Variants in KIAA0408 observed in about 807,000 individuals in gnomAD.
KIAA0408 encodes the protein uncharacterized protein KIAA0408.
Under a neutral mutation model 60.9 loss-of-function variants are expected in KIAA0408, and 51 were observed. The ratio of observed to expected loss-of-function variants is 0.84; its 90% CI spans 0.67 to 1.06. The LOEUF (loss-of-function observed/expected upper bound fraction) is 1.06, where lower values mean the gene tolerates loss of function less well. Ranked by LOEUF, KIAA0408 falls within the 50% of genes least tolerant of loss-of-function variation. KIAA0408 has a pLI of 0.00. For missense variants in KIAA0408, 787 were observed against 833.9 expected (o/e 0.94, Z 0.69); for synonymous variants, 304 against 282.4 (o/e 1.08, Z -0.77).
rs190955081 is a variant in KIAA0408 at position 127,447,756 on chromosome 6, A to C, written c.579-16T>G. 5.9e-6 allele frequency: 9 copies of C among 1,524,872 alleles called. No homozygotes were observed. Among genetic ancestry groups the C allele is most frequent in the Middle Eastern group, 1.8e-4 (1 of 5,634 alleles). 94.5% of individuals were successfully genotyped at this position (1,524,872 alleles called of 1,614,324 possible). A position where few individuals can be genotyped will look rare whatever the true frequency, so the allele number is the denominator to read the frequency against. On this transcript the variant is annotated splice_polypyrimidine_tract_variant and intron_variant, in intron 4 of 5. Coordinates refer to ENST00000483725, the MANE Select transcript of KIAA0408 (RefSeq NM_014702.5). Reference sequence around the variant, plus strand: ...TGACTTCATCCTAAACAATGATAAAACATGGTGTATTGGTTATAACTTTAT... The same window carrying C: ...TGACTTCATCCTAAACAATGATAAACCATGGTGTATTGGTTATAACTTTAT...
chr6:127,446,665 T>G lies in KIAA0408; in HGVS notation c.1654A>C (p.Arg552=). ...TAATTTGACCTGGGATCAGCTGACC[T>G]CGGACGGCCAGACAAATTACTCGGT... ...WRPSNLSGRP[R]SADPRSNYGV... The change falls in exon 5 of 6, where the codon AGG becomes CGG. Residue 552 remains arginine (R), a synonymous_variant. Transcript: ENST00000483725. The G allele has an allele frequency of 6.2e-7, 1 of 1,613,984 alleles. No individual in the cohort carries two copies. Among genetic ancestry groups the G allele is most frequent in the Admixed American group, 1.7e-5 (1 of 59,990 alleles).
At chr6:127,445,017 C>T (rs1176757287) in intron 5 of KIAA0408, among the ~76,000 whole-genome samples, 2 of 152,096 alleles carry the variant, frequency 1.3e-5, no homozygotes, top group Non-Finnish European at 2.9e-5. Flanking sequence ...ACACTTTATA[C>T]ACTTGGTTCT....
At chr6:127,458,638 C>T (rs976128533) in intron 1 of KIAA0408, among the ~76,000 whole-genome samples, 6 of 152,126 alleles carry the variant, frequency 3.9e-5, no homozygotes, top group South Asian at 2.1e-4. Flanking sequence ...CCCTCCTAAA[C>T]GTAGATTATT....
chr6:127,458,106 C>T lies in KIAA0408; in HGVS notation c.-121+1069G>A, dbSNP rs547772519. ...CTAATCTCACAATTCCTAGAAGACT[C>T]ATTTGGCCTGAAGATGTTTTGCTTC... On this transcript the variant is annotated intron_variant, in intron 1 of 5. Transcript: ENST00000483725. Among the ~76,000 whole-genome samples, 8 of 152,278 alleles carry T rather than the reference C, an allele frequency of 5.3e-5. No homozygotes were observed. The East Asian group carries it at 1.2e-3, about 22-fold the overall frequency.
At chr6:127,444,590 A>C (rs1773157577) in intron 5 of KIAA0408, among the ~76,000 whole-genome samples, 1 of 152,178 alleles carries the variant, frequency 6.6e-6, no homozygotes, top group African/African-American at 2.4e-5. Context: ...AATAACTTGA[A>C]TATCATGGAA....
chr6:127,441,035 G>A lies in KIAA0408; in HGVS notation c.*3074C>T, dbSNP rs1773100255. The A allele has an allele frequency of 6.6e-6, 1 of 152,196 alleles. No individual in the cohort carries two copies. 9.4% of individuals were successfully genotyped at this position (152,196 alleles called of 1,614,324 possible). On this transcript the variant is annotated 3_prime_UTR_variant, in exon 6 of 6. Coordinates refer to ENST00000483725, the MANE Select transcript of KIAA0408 (RefSeq NM_014702.5). ...AAAAATGTTCTCGATGTATACAAAT[G>A]CCACAGACAGTTGTTTTTACACCTA...
chr6:127,447,236 C>T lies in KIAA0408; in HGVS notation c.1083G>A (p.Trp361Ter), dbSNP rs751096291. 1 of 1,613,292 alleles carries T rather than the reference C, an allele frequency of 6.2e-7. No individual in the cohort carries two copies. The change falls in exon 5 of 6, where the codon TGG becomes TGA. Residue 361 changes from tryptophan (W) to a stop codon, truncating the protein, a stop_gained. Transcript: ENST00000483725. LOFTEE classifies it high-confidence loss of function. ...PSNEDVGLSM[W>*]SCDIGIGAKR... ...TTGCACCTATCCCAATGTCACATGA[C>T]CACATGCTAAGTCCAACATCTTCAT...
Position 127,446,712 on chromosome 6 carries a change from A to G in KIAA0408, c.1607T>C (p.Met536Thr), listed in dbSNP as rs758690216. Residue 536 changes from methionine (M) to threonine (T), a missense_variant, in exon 5 of 6, where the codon ATG (methionine) becomes ACG (threonine). Around this residue, in one of 3 missense-constraint regions of KIAA0408, gnomAD observed 640 missense variants for 681.3 expected, o/e 0.94. Transcript: ENST00000483725. ...CGGTCTCCAGTCATGCTCGTGGAGC[A>G]TATTTCGATAACTGCGAGGACTTAG... is the stretch of plus-strand genomic sequence containing the variant. ...GHLSPRSYRNMLHEHDWRPSN... is the reference protein window; with the variant it reads ...GHLSPRSYRNTLHEHDWRPSN... 1.2e-6 allele frequency: 2 copies of G among 1,613,812 alleles called. No individual in the cohort carries two copies. Among genetic ancestry groups the G allele is most frequent in the African/African-American group, 2.7e-5 (2 of 74,860 alleles).
At chr6:127,448,256 G>GA (rs1022495890) in intron 4 of KIAA0408, among the ~76,000 whole-genome samples, 2 of 151,994 alleles carry the variant, frequency 1.3e-5, no homozygotes, top group African/African-American at 4.8e-5. Context: ...ATTTGGTCTT[G>GA]AAAAAAAGTA....
At chr6:127,448,000 T>C (rs888528903) in intron 4 of KIAA0408, among the ~76,000 whole-genome samples, 1 of 152,178 alleles carries the variant, frequency 6.6e-6, no homozygotes, top group Non-Finnish European at 1.5e-5. Flanking sequence ...TTTTCACTAT[T>C]ACCTGAGACT....
rs975105667 is a variant in KIAA0408 at position 127,447,083 on chromosome 6, G to A, written c.1236C>T (p.Ser412=). Residue 412 remains serine (S), a synonymous_variant, in exon 5 of 6, where the codon AGC becomes AGT. Coordinates refer to ENST00000483725, the MANE Select transcript of KIAA0408 (RefSeq NM_014702.5). ...GGCTACTGCTCTCTGCTACTGAGGAGCTACAGTCATTACTTACATGAAGAT... is the reference window on the plus strand; with the variant it reads ...GGCTACTGCTCTCTGCTACTGAGGAACTACAGTCATTACTTACATGAAGAT... ...HPDLHVSNDC[S]SSVAESSSPL... The A allele has an allele frequency of 1.2e-6, 2 of 1,613,736 alleles. No individual in the cohort carries two copies. The highest frequency in any genetic ancestry group is 1.7e-6 in the Non-Finnish European group (2 of 1,179,952).
rs369227341 is a variant in KIAA0408, at chr6:127,444,237, G to A, written c.1957C>T (p.Pro653Ser). 3 of 1,610,152 alleles carry A rather than the reference G, an allele frequency of 1.9e-6. No individual in the cohort carries two copies. Among genetic ancestry groups the A allele is most frequent in the Non-Finnish European group, 2.5e-6 (3 of 1,178,626 alleles). The change falls in exon 6 of 6, where the codon CCT becomes TCT. Residue 653 changes from proline to serine, a missense_variant. Around this residue, in one of 3 missense-constraint regions of KIAA0408, gnomAD observed 133 missense variants for 119.2 expected, o/e 1.12. Coordinates refer to ENST00000483725, the MANE Select transcript of KIAA0408 (RefSeq NM_014702.5). ...NASHGKGFSR[P>S]ARPANRRLPS... is the part of the protein sequence containing the mutation. The stretch of plus-strand genomic sequence containing the variant: ...AGACGACGATTTGCTGGTCTAGCAG[G>A]TCGGGAAAATCCTTTTCCATGTGAG...
intron 4 of KIAA0408, among the ~76,000 whole-genome samples, chr6:127,447,962 C>T (rs182022848): frequency 1.3e-5 from 2 of 152,270 alleles, no homozygotes; most frequent in African/African-American, 4.8e-5. Context: ...CACACTCTGA[C>T]TCAAACTCTT....
rs17054684 is a variant in KIAA0408 at position 127,446,423 on chromosome 6, C to T, written c.1896G>A (p.Pro632=). Reference sequence around the variant, plus strand: ...GCTTTCTCACCTCTGTTATCTTTTTCGGATCTATTCCTTGCTTCACTTCCT... The same window carrying T: ...GCTTTCTCACCTCTGTTATCTTTTTTGGATCTATTCCTTGCTTCACTTCCT... ...GGQEVKQGID[P]KKITEESMSV... is the part of the protein sequence containing the mutation. The change falls in exon 5 of 6, where the codon CCG becomes CCA. Residue 632 remains proline, a synonymous_variant. Transcript: ENST00000483725. 3.3e-3 allele frequency: 5,267 copies of T among 1,603,418 alleles called. 140 individuals carry two copies. In the African/African-American group the frequency reaches 0.059, roughly 18 times the overall value.
intron 1 of KIAA0408, among the ~76,000 whole-genome samples, chr6:127,456,843 A>T (rs1435883839): frequency 1.3e-5 from 2 of 152,080 alleles, no homozygotes; most frequent in African/African-American, 4.8e-5. Flanking sequence ...AAATGCTTAA[A>T]AGAAGTGCCT....
rs780771553 is a variant in KIAA0408 at position 127,446,454 on chromosome 6, C to CTTT, written c.1864_1865insAAA (p.Gly622delinsGluArg). On this transcript the variant is annotated protein_altering_variant, in exon 5 of 6. Transcript: ENST00000483725. ...TATTCCTTGCTTCACTTCCTGTCCC[C>CTTT]CCCACACAGCTGTCTTTTGCTGAAA... The CTTT allele has an allele frequency of 6.2e-7, 1 of 1,613,682 alleles. No individual in the cohort carries two copies. The highest frequency in any genetic ancestry group is 1.7e-5 in the Admixed American group (1 of 60,006).
chr6:127,454,541 CT>C (rs1319357463), intron 1 of KIAA0408, among the ~76,000 whole-genome samples: 2 of 152,036 alleles, frequency 1.3e-5, no homozygotes, highest in East Asian at 3.8e-4. Flanking sequence ...TGAAACAGAG[CT>C]GGTTTGCAGT....
rs1002995315 is a variant in KIAA0408, at chr6:127,439,001, C to T, written c.*5108G>A. 1 of 152,196 alleles carries T rather than the reference C, an allele frequency of 6.6e-6. No homozygotes were observed. The highest frequency in any genetic ancestry group is 2.4e-5 in the African/African-American group (1 of 41,432). The allele number at this position is 152,196 out of a possible 1,614,324, so 9.4% of individuals were successfully genotyped here. A position where few individuals can be genotyped will look rare whatever the true frequency, so the allele number is the denominator to read the frequency against. ...AGCATCACATAGCATTCAGCTGCTT[C>T]TTGCTATTCTGCTGTTTCTCCATTG... is the stretch of plus-strand genomic sequence containing the variant. On this transcript the variant is annotated 3_prime_UTR_variant, in exon 6 of 6. Coordinates refer to ENST00000483725, the MANE Select transcript of KIAA0408 (RefSeq NM_014702.5).
rs370487011 is a variant in KIAA0408 at position 127,453,849 on chromosome 6, C to T, written c.133G>A (p.Glu45Lys). ...QWKIMQKKIE[E>K]LCREVKLWRK... ...ATCCAAAACAAATTAAAGTGTACCT[C>T]TTCTATTTTCTTCTGCATAATCTTC... The change falls in exon 2 of 6, where the codon GAG becomes AAG. Residue 45 changes from glutamate to lysine, a missense_variant and splice_region_variant. Glu to Lys is a moderately conservative substitution (Grantham distance 56). Coordinates refer to ENST00000483725, the MANE Select transcript of KIAA0408 (RefSeq NM_014702.5). 4.3e-6 allele frequency: 7 copies of T among 1,611,868 alleles called. No homozygotes were observed. The highest frequency in any genetic ancestry group is 1.3e-5 in the African/African-American group (1 of 74,818).
Sources: allele counts gnomAD v4.1 joint callset (sites outside exome capture counted in the v4.1 genomes callset), GRCh38; gene constraint gnomAD v4.1.1; regional missense constraint gnomAD v4.1.1; transcripts MANE v1.5; gene names NCBI Gene and HGNC (gene_info 2026-07-23, HGNC 2026-07-21).